Variants in GBE1 observed in about 807,000 individuals in gnomAD.
GBE1 encodes 1,4-alpha-glucan-branching enzyme.
In GBE1, 70 loss-of-function variants were observed where a neutral mutation model predicts 88.8. The ratio of observed to expected loss-of-function variants is 0.79; its 90% CI spans 0.65 to 0.96. The LOEUF (loss-of-function observed/expected upper bound fraction) is 0.96. Among genes scored for constraint, GBE1 ranks in the 40% least tolerant of loss-of-function variants. GBE1 has a pLI of 0.00. For synonymous variants in GBE1, 284 were observed against 300.1 expected (o/e 0.95, Z 0.56); for missense variants, 872 against 871.0 (o/e 1.00, Z -0.01).
At chr3:81,722,892 G>GTATA (rs201396919) in intron 1 of GBE1, among the ~76,000 whole-genome samples, 1,568 of 102,018 alleles carry the variant, frequency 0.015, 53 homozygotes, top group East Asian at 0.084. Context: ...GTGTGTGTGT[G>GTATA]TGTGTATATA....
chr3:81,502,346 G>C (rs1367334739), intron 14 of GBE1, among the ~76,000 whole-genome samples: 2 of 152,080 alleles, frequency 1.3e-5, no homozygotes, highest in African/African-American at 4.8e-5. Flanking sequence ...TAGCCATAAA[G>C]GAAAAGCTTA....
chr3:81,569,765 C>G (rs1211348897), intron 12 of GBE1, among the ~76,000 whole-genome samples: 1 of 152,166 alleles, frequency 6.6e-6, no homozygotes, highest in African/African-American at 2.4e-5. Context: ...CTGTTTCAAA[C>G]ATTGATTTCT....
intron 3 of GBE1, among the ~76,000 whole-genome samples, chr3:81,658,477 A>T (rs1704974018): frequency 6.6e-6 from 1 of 152,196 alleles, no homozygotes; most frequent in South Asian, 2.1e-4. Flanking sequence ...AAGAAACTGC[A>T]GAATATTGTG....
intron 7 of GBE1, among the ~76,000 whole-genome samples, chr3:81,595,924 AT>A (rs1449901496): frequency 1.3e-5 from 2 of 152,032 alleles, no homozygotes; most frequent in African/African-American, 4.8e-5. Flanking sequence ...GGAGCACCTA[AT>A]TAAAAAGTTC....
At chr3:81,701,140 C>T (rs1489120021) in intron 2 of GBE1, among the ~76,000 whole-genome samples, 6 of 152,108 alleles carry the variant, frequency 3.9e-5, no homozygotes, top group Non-Finnish European at 8.8e-5. Flanking sequence ...TTTAGAAATT[C>T]ATCTCAGCCC....
chr3:81,586,117 A>G lies in GBE1; in HGVS notation c.1310T>C (p.Met437Thr). 1 of 1,609,498 alleles carries G rather than the reference A, an allele frequency of 6.2e-7. No homozygotes were observed. The highest frequency in any genetic ancestry group is 8.5e-7 in the Non-Finnish European group (1 of 1,178,002). ...CTGAATCCACTTATCTGGAATTGCC[A>G]TGGCTAGTCGATAGTCAAAACCACC... is the stretch of plus-strand genomic sequence containing the variant. ...GGGGFDYRLA[M>T]AIPDKWIQLL... The change falls in exon 10 of 16, where the codon ATG (methionine) becomes ACG (threonine). Residue 437 changes from methionine (M) to threonine (T), a missense_variant. Met to Thr is a moderately conservative substitution (Grantham distance 81). Coordinates refer to ENST00000429644, the MANE Select transcript of GBE1 (RefSeq NM_000158.4).
At chr3:81,525,953 T>C (rs751618259) in intron 14 of GBE1, among the ~76,000 whole-genome samples, 18 of 152,068 alleles carry the variant, frequency 1.2e-4, no homozygotes, top group Non-Finnish European at 1.9e-4. Flanking sequence ...TAGCGGTCTA[T>C]CAATTTTGTT....
At chr3:81,692,831 T>C (rs1470139239) in intron 2 of GBE1, among the ~76,000 whole-genome samples, 2 of 152,184 alleles carry the variant, frequency 1.3e-5, no homozygotes, top group African/African-American at 4.8e-5. Context: ...CTATGGCAAC[T>C]TAATTTTAAA....
intron 14 of GBE1, among the ~76,000 whole-genome samples, chr3:81,516,384 T>C (rs1282007004): frequency 2.6e-5 from 4 of 151,592 alleles, no homozygotes; most frequent in Non-Finnish European, 5.9e-5. Flanking sequence ...ACTGAGCCTG[T>C]AAGCCCAAGC....
intron 1 of GBE1, among the ~76,000 whole-genome samples, chr3:81,751,694 C>T (rs145876917): frequency 2.6e-5 from 4 of 152,316 alleles, no homozygotes; most frequent in African/African-American, 4.8e-5. Context: ...CACTGACCTT[C>T]GCTTTTCTTC....
chr3:81,548,798 A>G (rs995415003), intron 12 of GBE1, among the ~76,000 whole-genome samples: 5 of 150,794 alleles, frequency 3.3e-5, no homozygotes, highest in Admixed American at 1.3e-4. Flanking sequence ...TATCAAGCAG[A>G]AGATGAGTTA....
intron 1 of GBE1, among the ~76,000 whole-genome samples, chr3:81,730,960 G>A (rs573840134): frequency 3.9e-5 from 6 of 152,196 alleles, no homozygotes; most frequent in Admixed American, 3.3e-4. Flanking sequence ...AGGTATAACC[G>A]GTTTTACATC....
intron 12 of GBE1, among the ~76,000 whole-genome samples, chr3:81,568,784 G>GTA (rs746280929): frequency 7.3e-4 from 111 of 151,108 alleles, no homozygotes; most frequent in African/African-American, 1.7e-3. Flanking sequence ...GTGTGTGTGT[G>GTA]TATATATATA....
intron 14 of GBE1, among the ~76,000 whole-genome samples, chr3:81,508,525 C>T (rs1702684127): frequency 1.3e-5 from 2 of 151,752 alleles, no homozygotes; most frequent in Non-Finnish European, 1.5e-5. Flanking sequence ...GAGTTTACAC[C>T]CTGCAGACTC....
intron 12 of GBE1, among the ~76,000 whole-genome samples, chr3:81,547,608 G>A (rs1244985395): frequency 6.9e-6 from 1 of 145,546 alleles, no homozygotes; most frequent in Non-Finnish European, 1.5e-5. Context: ...TACTAGTCAG[G>A]CTTCTAGGTT....
intron 14 of GBE1, among the ~76,000 whole-genome samples, chr3:81,519,235 T>C (rs1339970518): frequency 6.6e-6 from 1 of 151,538 alleles, no homozygotes; most frequent in East Asian, 1.9e-4. Context: ...AATGTCAGAG[T>C]ATGAATTTAC....
chr3:81,636,556 ATT>A (rs752690062), intron 7 of GBE1, among the ~76,000 whole-genome samples: 1 of 150,352 alleles, frequency 6.7e-6, no homozygotes, highest in Non-Finnish European at 1.5e-5. Context: ...TTGAAATGGA[ATT>A]TTGCTCTTGT....
At chr3:81,649,076 G>T in intron 4 of GBE1, 85 bp from the exon 5 acceptor site, 2 of 897,754 alleles carry the variant, frequency 2.2e-6, no homozygotes, top group Non-Finnish European at 3.3e-6. Flanking sequence ...AAAAAGTGGT[G>T]AATATACTCA....
chr3:81,556,843 G>C (rs1703355885), intron 12 of GBE1, among the ~76,000 whole-genome samples: 1 of 152,018 alleles, frequency 6.6e-6, no homozygotes, highest in Non-Finnish European at 1.5e-5. Flanking sequence ...TACAGTGGGT[G>C]AAGCATGGAA....
Sources: allele counts gnomAD v4.1 joint callset (sites outside exome capture counted in the v4.1 genomes callset), GRCh38; gene constraint gnomAD v4.1.1; transcripts MANE v1.5; gene names NCBI Gene and HGNC (gene_info 2026-07-23, HGNC 2026-07-21).